The following PDZD9 variants were observed in gnomAD, a reference collection of about 807,000 sequenced individuals.
PDZD9 encodes PDZ domain containing 9.
A neutral mutation model predicts 16.3 loss-of-function variants in PDZD9; 13 were observed. That is an observed-to-expected ratio of 0.80 (90% CI 0.52 to 1.27). The LOEUF is 1.27. Among genes scored for constraint, PDZD9 ranks in the 50% most tolerant of loss-of-function variants. The pLI is 0.00. For synonymous variants in PDZD9, 120 were observed against 111.0 expected (o/e 1.08, Z -0.51); for missense variants, 288 against 310.9 (o/e 0.93, Z 0.55).
chr16:21,971,618 G>C, the PDZD9 span: 1 of 1,613,632 alleles, frequency 6.2e-7, no homozygotes. Context: ...AACTACCGTG[G>C]AGGTAAGCAT....
intron 3 of PDZD9, among the ~76,000 whole-genome samples, chr16:21,986,977 G>C (rs1898890699): frequency 6.6e-6 from 1 of 152,218 alleles, no homozygotes; most frequent in Non-Finnish European, 1.5e-5. Context: ...GGGGAAAGCA[G>C]TATGAGTTGA....
At chr16:21,983,007 G>GAAATGAC, downstream of PDZD9, 1 of 971,820 alleles carries the variant, frequency 1.0e-6, no homozygotes. Context: ...ATAAATTCTT[G>GAAATGAC]AAATGACAAA....
the PDZD9 span, chr16:21,965,571 GGTTT>G: frequency 1.5e-6 from 2 of 1,305,244 alleles, no homozygotes; most frequent in East Asian, 2.8e-5. Context: ...TCCCATTTCA[GGTTT>G]GTTTGTTAAT....
chr16:21,963,040 G>A, the PDZD9 span: 5 of 1,001,750 alleles, frequency 5.0e-6, no homozygotes, highest in Non-Finnish European at 5.4e-6. Context: ...CCAGGCTGGA[G>A]TGCAGTGGCA....
At position 21,996,351 on chromosome 16, in the gene PDZD9, GC is replaced by G. The variant is rs1340230091; in HGVS notation, c.181del (p.Ala61LeufsTer14). Reference sequence around the variant, plus strand: ...CTGGAGTTTCCCGTCGTTGGCTGCAGCCCCCTTCCTGATGAGGTGGGTGATC... The same window carrying G: ...CTGGAGTTTCCCGTCGTTGGCTGCAGCCCCTTCCTGATGAGGTGGGTGATC... The part of the protein sequence containing the change: ...LQITHLIRKG[A>X]AANDGKLQPG... On this transcript the variant is annotated frameshift_variant, in exon 2 of 4. Coordinates refer to ENST00000424898, the MANE Select transcript of PDZD9 (RefSeq NM_001363519.1). LOFTEE classifies it high-confidence loss of function. 6.5e-7 allele frequency: 1 copy of G among 1,535,986 alleles called. No homozygotes were observed. Among genetic ancestry groups the G allele is most frequent in the African/African-American group, 1.4e-5 (1 of 73,142 alleles).
downstream of PDZD9, among the ~76,000 whole-genome samples, chr16:21,980,858 C>T (rs185461514): frequency 5.3e-5 from 8 of 152,172 alleles, no homozygotes; most frequent in Non-Finnish European, 7.4e-5. Context: ...CCATAAGATC[C>T]GCAACAAGCT....
intron 2 of PDZD9, among the ~76,000 whole-genome samples, chr16:21,994,252 T>C (rs1437936752): frequency 6.6e-6 from 1 of 152,172 alleles, no homozygotes; most frequent in Non-Finnish European, 1.5e-5. Flanking sequence ...AACACAGGAA[T>C]ATCCCAATTC....
chr16:21,978,282 G>A, the PDZD9 span, among the ~76,000 whole-genome samples: 3 of 152,122 alleles, frequency 2.0e-5, no homozygotes, highest in South Asian at 4.1e-4. Flanking sequence ...AGCTGACAAC[G>A]TGGTAAAACT....
chr16:21,984,395 A>G lies in PDZD9; in HGVS notation c.667T>C (p.Trp223Arg). The change falls in exon 4 of 4, where the codon TGG becomes CGG. Residue 223 changes from tryptophan to arginine, a missense_variant. By Grantham distance (101) the Trp-to-Arg change is moderately radical. Transcript: ENST00000424898. Reference protein sequence around the residue: ...KKEVRAPSPYWIMVKQDNESS... With the variant: ...KKEVRAPSPYRIMVKQDNESS... ...TCATTGTCTTGCTTCACCATTATCC[A>G]GTATGGAGAAGGGGCCCTCACTTCT... is the stretch of plus-strand genomic sequence containing the variant. The G allele has an allele frequency of 6.2e-7, 1 of 1,614,148 alleles. No homozygotes were observed. The highest frequency in any genetic ancestry group is 8.5e-7 in the Non-Finnish European group (1 of 1,180,014).
At chr16:21,988,051 A>G (rs1426028070) in intron 3 of PDZD9, among the ~76,000 whole-genome samples, 1 of 123,974 alleles carries the variant, frequency 8.1e-6, no homozygotes, top group African/African-American at 3.1e-5. Flanking sequence ...CTCTATCTCC[A>G]GGCTGGAGTG....
downstream of PDZD9, among the ~76,000 whole-genome samples, chr16:21,982,925 C>T (rs554979150): frequency 6.9e-6 from 1 of 143,990 alleles, no homozygotes; most frequent in East Asian, 2.0e-4. Flanking sequence ...GATCGCAGCA[C>T]TGCACTCCAC....
At chr16:21,972,313 T>A in the PDZD9 span, among the ~76,000 whole-genome samples, 1 of 152,214 alleles carries the variant, frequency 6.6e-6, no homozygotes, top group African/African-American at 2.4e-5. Flanking sequence ...CCACTTTGTC[T>A]ATTACTTGTC....
rs1898813680 is a variant in PDZD9 at position 21,984,312 on chromosome 16, G to A, written c.750C>T (p.Ala250=). Reference sequence around the variant, plus strand: ...GTTGGGCTTTACCCTCTTCAACTTGGGCACAATCTTCCAGCCAAAATGCAT... The same window carrying A: ...GTTGGGCTTTACCCTCTTCAACTTGAGCACAATCTTCCAGCCAAAATGCAT... ...TSDAFWLEDC[A]QVEEGKAQLV... Residue 250 remains alanine (A), a synonymous_variant, in exon 4 of 4, where the codon GCC becomes GCT. Coordinates refer to ENST00000424898, the MANE Select transcript of PDZD9 (RefSeq NM_001363519.1). 1.2e-6 allele frequency: 2 copies of A among 1,613,850 alleles called. No individual in the cohort carries two copies. The highest frequency in any genetic ancestry group is 1.7e-6 in the Non-Finnish European group (2 of 1,179,960).
the PDZD9 span, chr16:21,971,781 T>G: frequency 1.5e-6 from 2 of 1,344,040 alleles, no homozygotes; most frequent in Non-Finnish European, 2.1e-6. Flanking sequence ...TTGTGTGTGT[T>G]TGGGGACAGG....
chr16:21,975,616 A>T, the PDZD9 span, among the ~76,000 whole-genome samples: 3 of 152,206 alleles, frequency 2.0e-5, no homozygotes, highest in Non-Finnish European at 4.4e-5. Context: ...TAAATACCAT[A>T]CAAGGATTCA....
chr16:21,959,333 CG>C, the PDZD9 span: 1 of 239,330 alleles, frequency 4.2e-6, no homozygotes, highest in Non-Finnish European at 8.4e-6. Context: ...TTTATCATTT[CG>C]ACAGTGTTCA....
chr16:21,980,660 T>G, downstream of PDZD9: 1 of 1,614,156 alleles, frequency 6.2e-7, no homozygotes, highest in Admixed American at 1.7e-5. Context: ...TCCACAGTCC[T>G]TCAGCAGATT....
At chr16:21,963,431 A>C in the PDZD9 span, among the ~76,000 whole-genome samples, 1 of 152,032 alleles carries the variant, frequency 6.6e-6, no homozygotes. Flanking sequence ...AGATCCTAGA[A>C]GTTTTTCCTG....
the PDZD9 span, among the ~76,000 whole-genome samples, chr16:21,975,539 T>C: frequency 6.6e-6 from 1 of 152,186 alleles, no homozygotes; most frequent in Admixed American, 6.5e-5. Context: ...GTCAGATTTA[T>C]TTATTTATTC....
Sources: allele counts gnomAD v4.1 joint callset (sites outside exome capture counted in the v4.1 genomes callset), GRCh38; gene constraint gnomAD v4.1.1; transcripts MANE v1.5; gene names NCBI Gene and HGNC (gene_info 2026-07-23, HGNC 2026-07-21).